Variants in CPVL observed in about 807,000 individuals in gnomAD.
The protein encoded by CPVL is probable serine carboxypeptidase CPVL.
Under a neutral mutation model 63.7 loss-of-function variants are expected in CPVL, and 51 were observed. The ratio of observed to expected loss-of-function variants is 0.80; its 90% CI spans 0.64 to 1.01. The LOEUF is 1.01. Among genes scored for constraint, CPVL ranks in the 50% least tolerant of loss-of-function variants. The pLI is 0.00. For missense variants in CPVL, 530 were observed against 573.1 expected (o/e 0.92, Z 0.77); for synonymous variants, 195 against 206.0 (o/e 0.95, Z 0.46).
At chr7:29,134,821 G>A (rs1056517881) in intron 1 of CPVL, among the ~76,000 whole-genome samples, 1 of 152,084 alleles carries the variant, frequency 6.6e-6, no homozygotes, top group African/African-American at 2.4e-5. Flanking sequence ...AAATTCAGGG[G>A]AGATCAGGTG....
At chr7:29,118,953 A>T (rs1554342848) in intron 2 of CPVL, among the ~76,000 whole-genome samples, 1 of 152,150 alleles carries the variant, frequency 6.6e-6, no homozygotes, top group Non-Finnish European at 1.5e-5. Flanking sequence ...TGGTTCCCCA[A>T]ACCAAACCAA....
At chr7:29,117,482 T>C (rs1788888712) in intron 2 of CPVL, among the ~76,000 whole-genome samples, 1 of 152,228 alleles carries the variant, frequency 6.6e-6, no homozygotes, top group Non-Finnish European at 1.5e-5. Context: ...ACGTAAATCT[T>C]ACCCGACACT....
intron 1 of CPVL, among the ~76,000 whole-genome samples, chr7:29,134,420 C>G (rs921466107): frequency 6.6e-6 from 1 of 152,188 alleles, no homozygotes; most frequent in Non-Finnish European, 1.5e-5. Context: ...CTTCAAGGAA[C>G]CATTGGGTAT....
chr7:29,000,785 T>C (rs964451801), intron 12 of CPVL, among the ~76,000 whole-genome samples: 2 of 152,208 alleles, frequency 1.3e-5, no homozygotes, highest in Non-Finnish European at 2.9e-5. Flanking sequence ...CACTATCTTG[T>C]TGCAGAATAT....
At chr7:29,055,100 T>C (rs1489346156) in intron 11 of CPVL, among the ~76,000 whole-genome samples, 2 of 152,222 alleles carry the variant, frequency 1.3e-5, no homozygotes, top group Non-Finnish European at 2.9e-5. Flanking sequence ...TATCTTTCTC[T>C]CTTATATTTG....
chr7:29,143,683 A>G (rs909359181), intron 1 of CPVL, among the ~76,000 whole-genome samples: 1 of 152,206 alleles, frequency 6.6e-6, no homozygotes, highest in Non-Finnish European at 1.5e-5. Flanking sequence ...ATTTAAAGAC[A>G]ACCAATAACT....
chr7:29,169,073 A>G (rs945562388), intron 5 of CPVL, among the ~76,000 whole-genome samples: 3 of 147,284 alleles, frequency 2.0e-5, no homozygotes, highest in Non-Finnish European at 4.4e-5. Context: ...TAATGGATAT[A>G]TAAGAAATTT....
At chr7:29,084,149 T>C (rs1389908870) in intron 7 of CPVL, among the ~76,000 whole-genome samples, 1 of 152,196 alleles carries the variant, frequency 6.6e-6, no homozygotes, top group East Asian at 1.9e-4. Context: ...CAGTGAACAC[T>C]GGACCCTCAA....
At chr7:29,122,695 G>GAAACCAGGACTTGAGTCCACTC in intron 1 of CPVL, 1 of 152,086 alleles carries the variant, frequency 6.6e-6, no homozygotes, top group Non-Finnish European at 1.5e-5. Flanking sequence ...TGAAAGTAGA[G>GAAACCAGGACTTGAGTCCACTC]AAGGCCAGGA....
chr7:29,193,522 TC>T (rs1157595217), intron 1 of CPVL: 3 of 152,230 alleles, frequency 2.0e-5, no homozygotes, highest in Admixed American at 2.0e-4. Flanking sequence ...GTTTGCTTTT[TC>T]CTTTGATCTA....
At chr7:29,121,405 A>G (rs1216590779) in intron 1 of CPVL, among the ~76,000 whole-genome samples, 1 of 152,084 alleles carries the variant, frequency 6.6e-6, no homozygotes, top group Non-Finnish European at 1.5e-5. Flanking sequence ...AGCTCAAGCA[A>G]TCCTCCCACC....
At chr7:29,171,075 A>C (rs1796541726) in intron 5 of CPVL, among the ~76,000 whole-genome samples, 1 of 152,166 alleles carries the variant, frequency 6.6e-6, no homozygotes, top group African/African-American at 2.4e-5. Flanking sequence ...GATTTATTAA[A>C]AAACGACTTT....
intron 5 of CPVL, among the ~76,000 whole-genome samples, chr7:29,156,315 G>A (rs371599445): frequency 3.5e-4 from 53 of 152,222 alleles, no homozygotes; most frequent in African/African-American, 1.2e-3. Flanking sequence ...AACAAATTTC[G>A]ATGATTAAAT....
intron 1 of CPVL, among the ~76,000 whole-genome samples, chr7:29,138,838 A>G (rs1246362514): frequency 6.6e-6 from 1 of 152,206 alleles, no homozygotes; most frequent in East Asian, 1.9e-4. Context: ...ACTTGGCAGC[A>G]GCTAATCCAG....
At chr7:29,073,158 C>T (rs540212327) in intron 7 of CPVL, among the ~76,000 whole-genome samples, 1 of 152,308 alleles carries the variant, frequency 6.6e-6, no homozygotes, top group East Asian at 1.9e-4. Context: ...AAATAAAGCT[C>T]CCAATCCCCA....
chr7:29,080,481 C>T (rs1784596587), intron 7 of CPVL, among the ~76,000 whole-genome samples: 1 of 150,922 alleles, frequency 6.6e-6, no homozygotes, highest in Non-Finnish European at 1.5e-5. Context: ...TCACCTGAAC[C>T]CGGGAATTGG....
intron 1 of CPVL, among the ~76,000 whole-genome samples, chr7:29,123,852 A>G (rs1054034409): frequency 4.0e-5 from 6 of 151,616 alleles, no homozygotes; most frequent in Admixed American, 2.6e-4. Context: ...TTCCCTTGTA[A>G]GCAGATGTTG....
chr7:29,064,178 T>A lies in CPVL; in HGVS notation c.1020A>T (p.Gln340His). Reference sequence around the variant, plus strand: ...AAGTCTGATTCCCCACGTGGATGGCTTGTCTCACCTCTGGGAGTGACAAAA... The same window carrying A: ...AAGTCTGATTCCCCACGTGGATGGCATGTCTCACCTCTGGGAGTGACAAAA... The part of the protein sequence containing the change: ...VKFLSLPEVR[Q>H]AIHVGNQTFN... Residue 340 changes from glutamine (Q) to histidine (H), a missense_variant, in exon 11 of 13, where the codon CAA becomes CAT. Coordinates refer to ENST00000265394, the MANE Select transcript of CPVL (RefSeq NM_031311.5). 1 of 1,613,466 alleles carries A rather than the reference T, an allele frequency of 6.2e-7. No individual in the cohort carries two copies. Among genetic ancestry groups the A allele is most frequent in the Non-Finnish European group, 8.5e-7 (1 of 1,179,416 alleles).
At position 29,175,386 on chromosome 7, in the gene CPVL, G is replaced by C. The variant is rs945758358; in HGVS notation, c.-11+5904C>G. ...AGAGGGGGTTTCACCATATTGGCAA[G>C]GCTGGTCTCAAACTCCAGACTTCGG... On this transcript the variant is annotated intron_variant, in intron 5 of 16. Coordinates refer to the CPVL transcript ENST00000409850. 3.3e-5 allele frequency among the ~76,000 whole-genome samples: 5 copies of C among 152,118 alleles called. 1 individual carries two copies. Among genetic ancestry groups the C allele is most frequent in the Admixed American group, 6.5e-5 (1 of 15,294 alleles).
Sources: allele counts gnomAD v4.1 joint callset (sites outside exome capture counted in the v4.1 genomes callset), GRCh38; gene constraint gnomAD v4.1.1; transcripts MANE v1.5; gene names NCBI Gene and HGNC (gene_info 2026-07-23, HGNC 2026-07-21).